Variants in NELL2 observed in about 807,000 individuals in gnomAD.
NELL2 encodes neural EGFL like 2.
NELL2 carries 41 observed loss-of-function variants against 109.6 expected under a neutral mutation model. That is an observed-to-expected ratio of 0.37 (90% CI 0.29 to 0.49). The LOEUF is 0.49. NELL2 is among the 20% of genes least tolerant of loss of function. The pLI is 0.98. For missense variants in NELL2, 900 were observed against 1,008.3 expected, an observed-to-expected ratio of 0.89 and a Z score of 1.45; for synonymous variants, 355 against 344.7, an observed-to-expected ratio of 1.03 and a Z score of -0.33.
chr12:44,569,905 A>G (rs1274037747), intron 15 of NELL2, among the ~76,000 whole-genome samples: 1 of 152,162 alleles, frequency 6.6e-6, no homozygotes, highest in Non-Finnish European at 1.5e-5. Context: ...CCAGGGATTT[A>G]AAGGCTAATT....
At chr12:44,639,664 C>T (rs987315456) in intron 13 of NELL2, among the ~76,000 whole-genome samples, 2 of 152,056 alleles carry the variant, frequency 1.3e-5, no homozygotes, top group Admixed American at 6.6e-5. Flanking sequence ...TCTGAATTAC[C>T]ACCATCTATT....
intron 3 of NELL2, among the ~76,000 whole-genome samples, chr12:44,795,723 A>T (rs1330708851): frequency 6.6e-6 from 1 of 152,148 alleles, no homozygotes; most frequent in African/African-American, 2.4e-5. Context: ...ACTCTAGTAT[A>T]ATGAAATATA....
chr12:44,796,143 A>G (rs1250520240), intron 3 of NELL2, among the ~76,000 whole-genome samples: 1 of 152,138 alleles, frequency 6.6e-6, no homozygotes, highest in Admixed American at 6.6e-5. Context: ...AAATGAACTA[A>G]AAGTTGTAAG....
intron 9 of NELL2, among the ~76,000 whole-genome samples, chr12:44,716,503 A>G (rs974569624): frequency 1.3e-5 from 2 of 152,158 alleles, no homozygotes; most frequent in Non-Finnish European, 2.9e-5. Flanking sequence ...TGGTATGTGC[A>G]TTTACTTAAT....
chr12:44,714,889 G>A, intron 9 of NELL2, 148 bp from the exon 10 acceptor site: 1 of 438,322 alleles, frequency 2.3e-6, no homozygotes, highest in South Asian at 6.5e-5. Flanking sequence ...TCTACTGCAA[G>A]GCACATGTAA....
At chr12:44,583,406 C>T (rs1944389459) in intron 15 of NELL2, among the ~76,000 whole-genome samples, 1 of 152,194 alleles carries the variant, frequency 6.6e-6, no homozygotes, top group Non-Finnish European at 1.5e-5. Flanking sequence ...ACCCCGCCAA[C>T]ACCAGAAAGT....
intron 15 of NELL2, among the ~76,000 whole-genome samples, chr12:44,538,048 T>C (rs939320367): frequency 1.3e-5 from 2 of 152,198 alleles, no homozygotes; most frequent in African/African-American, 4.8e-5. Context: ...AATGCACAGA[T>C]ATAATCTCTT....
At chr12:44,869,255 G>A (rs571132327) in intron 2 of NELL2, among the ~76,000 whole-genome samples, 4 of 152,194 alleles carry the variant, frequency 2.6e-5, no homozygotes, top group South Asian at 2.1e-4. Context: ...CCATATCCAA[G>A]CAACTTTAAA....
chr12:44,820,378 G>A (rs1438965724), intron 2 of NELL2, among the ~76,000 whole-genome samples: 1 of 152,146 alleles, frequency 6.6e-6, no homozygotes, highest in African/African-American at 2.4e-5. Flanking sequence ...GGAGTCCGAA[G>A]CGGACAGATC....
At chr12:44,774,924 T>G (rs1941692372) in intron 8 of NELL2, 75 bp from the exon 9 acceptor site, 1 of 1,122,250 alleles carries the variant, frequency 8.9e-7, no homozygotes, top group African/African-American at 1.6e-5. Context: ...AATTCATTCC[T>G]TAAATTTTAA....
At chr12:44,558,437 C>T (rs373336488) in intron 15 of NELL2, among the ~76,000 whole-genome samples, 3 of 152,194 alleles carry the variant, frequency 2.0e-5, no homozygotes, top group East Asian at 3.9e-4. Flanking sequence ...TGGGTGATTT[C>T]TGCATTTCCA....
chr12:44,551,780 C>T (rs1943052877), intron 15 of NELL2, among the ~76,000 whole-genome samples: 1 of 152,052 alleles, frequency 6.6e-6, no homozygotes, highest in Non-Finnish European at 1.5e-5. Context: ...GGCTTAGTGC[C>T]CAACTTGGAC....
At chr12:44,549,288 A>G (rs1942931826) in intron 15 of NELL2, among the ~76,000 whole-genome samples, 1 of 152,144 alleles carries the variant, frequency 6.6e-6, no homozygotes, top group African/African-American at 2.4e-5. Context: ...AAAGTGGAAT[A>G]TGAGTGGTCA....
chr12:44,757,583 A>T (rs1406233254), intron 9 of NELL2, among the ~76,000 whole-genome samples: 5 of 152,260 alleles, frequency 3.3e-5, no homozygotes, highest in Non-Finnish European at 7.4e-5. Context: ...TTTCTTTTTA[A>T]TGATGATAAC....
chr12:44,708,698 A>C (rs528358486), intron 11 of NELL2, among the ~76,000 whole-genome samples: 54 of 152,318 alleles, frequency 3.5e-4, no homozygotes, highest in African/African-American at 1.1e-3. Context: ...AGAAGGGCCA[A>C]TCTGTCCAAT....
At chr12:44,693,593 C>A (rs1221419218) in intron 12 of NELL2, among the ~76,000 whole-genome samples, 2 of 152,136 alleles carry the variant, frequency 1.3e-5, no homozygotes, top group Non-Finnish European at 2.9e-5. Flanking sequence ...CAAAGGAGAC[C>A]TTTGCTTCAA....
rs940091332 is a variant in NELL2, at chr12:44,725,809, T to C, written c.995-11068A>G. Among the ~76,000 whole-genome samples the C allele has an allele frequency of 5.3e-5, 8 of 152,090 alleles. 1 individual carries two copies. The highest frequency in any genetic ancestry group is 1.9e-4 in the African/African-American group (8 of 41,408). Reference sequence around the variant, plus strand: ...GTGGGAACTAAACGATAAGAACTTATGAACACAAAGAAGGAAACAGCAGAC... The same window carrying C: ...GTGGGAACTAAACGATAAGAACTTACGAACACAAAGAAGGAAACAGCAGAC... On this transcript the variant is annotated intron_variant, in intron 9 of 19. Coordinates refer to ENST00000429094, the MANE Select transcript of NELL2 (RefSeq NM_001145108.2).
intron 12 of NELL2, among the ~76,000 whole-genome samples, chr12:44,675,010 C>T (rs1254591358): frequency 1.3e-5 from 2 of 152,248 alleles, no homozygotes; most frequent in East Asian, 3.9e-4. Flanking sequence ...CTTTTTATGG[C>T]TTTTCCTTTA....
In NELL2 at chr12:44,876,154, G is replaced by A. The variant is rs1945315183; in HGVS notation, c.-285C>T. 7.9e-7 allele frequency: 1 copy of A among 1,265,198 alleles called. No homozygotes were observed. The highest frequency in any genetic ancestry group is 1.5e-5 in the African/African-American group (1 of 66,004). 78.4% of individuals were successfully genotyped at this position (1,265,198 alleles called of 1,614,324 possible). Reference sequence around the variant, plus strand: ...CGGAGGGAGGGGTCGGACTCGCCCCGGCGCGGCTCCGTCGGGGAATTAGCT... The same window carrying A: ...CGGAGGGAGGGGTCGGACTCGCCCCAGCGCGGCTCCGTCGGGGAATTAGCT... On this transcript the variant is annotated 5_prime_UTR_variant, in exon 1 of 20. Coordinates refer to ENST00000429094, the MANE Select transcript of NELL2 (RefSeq NM_001145108.2).
Sources: allele counts gnomAD v4.1 joint callset (sites outside exome capture counted in the v4.1 genomes callset), GRCh38; gene constraint gnomAD v4.1.1; transcripts MANE v1.5; gene names NCBI Gene and HGNC (gene_info 2026-07-23, HGNC 2026-07-21).